RAB7A: variants seen among roughly 807,000 people sequenced by gnomAD.
RAB7A encodes the protein RAB7A, member RAS oncogene family, also known as ras-related protein Rab-7a.
Under a neutral mutation model 24.5 loss-of-function variants are expected in RAB7A, and 2 were observed. The observed-to-expected ratio is 0.08, with a 90% CI of 0.03 to 0.26. The LOEUF (loss-of-function observed/expected upper bound fraction) is 0.26, where lower values mean the gene tolerates loss of function less well. Among genes scored for constraint, RAB7A ranks in the 10% least tolerant of loss-of-function variants. The probability of loss-of-function intolerance (pLI) is 1.00; values close to 1 mark genes in which losing one functional copy is unlikely to be tolerated. For missense variants in RAB7A, 118 were observed against 255.7 expected, an observed-to-expected ratio of 0.46 and a Z score of 3.67; for synonymous variants, 100 against 95.9, an observed-to-expected ratio of 1.04 and a Z score of -0.25.
At chr3:128,764,573 A>C (rs1346233102) in intron 1 of RAB7A, 14 of 1,395,434 alleles carry the variant, frequency 1.0e-5, no homozygotes, top group Admixed American at 3.4e-5. Context: ...TGGTCACCCA[A>C]TTCTTTGATG....
intron 1 of RAB7A, among the ~76,000 whole-genome samples, chr3:128,760,138 C>T (rs1274764982): frequency 6.6e-6 from 1 of 152,152 alleles, no homozygotes; most frequent in Non-Finnish European, 1.5e-5. Context: ...GGTGGCTGCC[C>T]TCCCCAGCGT....
In RAB7A at chr3:128,791,437, G is replaced by T. The variant is rs376043220; in HGVS notation, c.-8-3923G>T. On this transcript the variant is annotated intron_variant, in intron 1 of 5. Coordinates refer to ENST00000265062, the MANE Select transcript of RAB7A (RefSeq NM_004637.6). Reference sequence around the variant, plus strand: ...ATTATAGGCGTGAGCCACCGCGCCTGGCCAAAACTTTGCTCTGGACTCAGA... The same window carrying T: ...ATTATAGGCGTGAGCCACCGCGCCTTGCCAAAACTTTGCTCTGGACTCAGA... Among the ~76,000 whole-genome samples the T allele has an allele frequency of 4.6e-5, 7 of 152,276 alleles. 1 individual carries two copies. Among genetic ancestry groups the T allele is most frequent in the African/African-American group, 1.7e-4 (7 of 41,540 alleles).
intron 1 of RAB7A, among the ~76,000 whole-genome samples, chr3:128,737,527 A>G (rs769723136): frequency 4.1e-4 from 62 of 149,490 alleles, no homozygotes; most frequent in Non-Finnish European, 7.9e-4. Flanking sequence ...TATATTTTTG[A>G]TAGAGATGGG....
intron 1 of RAB7A, among the ~76,000 whole-genome samples, chr3:128,740,126 C>T (rs1336917278): frequency 2.6e-5 from 4 of 152,168 alleles, no homozygotes; most frequent in African/African-American, 9.6e-5. Context: ...CAATCAATCC[C>T]ATCACTTTGG....
At position 128,797,946 on chromosome 3, in the gene RAB7A, C is replaced by T. The variant is rs373510884; in HGVS notation, c.57C>T (p.Val19=). 2.6e-5 allele frequency: 42 copies of T among 1,613,420 alleles called. No individual in the cohort carries two copies. Among genetic ancestry groups the T allele is most frequent in the Admixed American group, 3.3e-5 (2 of 59,994 alleles). The change falls in exon 3 of 6, where the codon GTC becomes GTT. Residue 19 remains valine, a synonymous_variant. Coordinates refer to ENST00000265062, the MANE Select transcript of RAB7A (RefSeq NM_004637.6). ...TATGGTTTTTCTCCAATTTCAGAGT[C>T]GGGAAGACATCACTCATGAACCAGT... ...LKVIILGDSG[V]GKTSLMNQYV...
intron 1 of RAB7A, among the ~76,000 whole-genome samples, chr3:128,733,355 T>C (rs374325503): frequency 1.3e-4 from 20 of 152,204 alleles, no homozygotes; most frequent in African/African-American, 4.8e-4. Flanking sequence ...TGTGAGACTT[T>C]GTGTTGTTGT....
At chr3:128,759,630 G>A (rs1040225110) in intron 1 of RAB7A, among the ~76,000 whole-genome samples, 2 of 152,138 alleles carry the variant, frequency 1.3e-5, no homozygotes, top group African/African-American at 4.8e-5. Flanking sequence ...CTCAGCTTTT[G>A]CTTGGGCGTT....
intron 1 of RAB7A, among the ~76,000 whole-genome samples, chr3:128,754,293 G>A (rs1236836018): frequency 6.6e-6 from 1 of 152,138 alleles, no homozygotes; most frequent in Non-Finnish European, 1.5e-5. Flanking sequence ...TGGGGTTGGA[G>A]CTGTATAGGA....
At chr3:128,738,687 GAGGGGGCCTTA>G (rs2070517051) in intron 1 of RAB7A, among the ~76,000 whole-genome samples, 1 of 152,170 alleles carries the variant, frequency 6.6e-6, no homozygotes, top group African/African-American at 2.4e-5. Context: ...CCTACCTTAG[GAGGGGGCCTTA>G]AGGGTAAGTC....
At chr3:128,761,650 C>G (rs1188658591) in intron 1 of RAB7A, among the ~76,000 whole-genome samples, 3 of 152,204 alleles carry the variant, frequency 2.0e-5, no homozygotes, top group African/African-American at 7.2e-5. Context: ...ATCTTTAAGA[C>G]TGAGTTCTCT....
chr3:128,798,895 A>G (rs538440752), intron 3 of RAB7A: 7 of 306,502 alleles, frequency 2.3e-5, no homozygotes, highest in Admixed American at 1.2e-4. Context: ...TTCATGGTCC[A>G]TGATGCCAGC....
At position 128,729,604 on chromosome 3, in the gene RAB7A, T is replaced by C. The variant is rs138159070; in HGVS notation, c.-9+3245T>C. Among the ~76,000 whole-genome samples, 405 of 151,608 alleles carry C rather than the reference T, an allele frequency of 2.7e-3. 5 individuals are homozygous for C. Among genetic ancestry groups the C allele is most frequent in the African/African-American group, 8.9e-3 (370 of 41,374 alleles). ...AAAAAAAAAAGTCTTCAAAGGGATC[T>C]TCACTAATAACGTTTTTGCTCTTAC... On this transcript the variant is annotated intron_variant, in intron 1 of 5. Coordinates refer to ENST00000265062, the MANE Select transcript of RAB7A (RefSeq NM_004637.6).
intron 1 of RAB7A, among the ~76,000 whole-genome samples, chr3:128,733,253 T>C (rs1338738721): frequency 6.6e-6 from 1 of 152,176 alleles, no homozygotes; most frequent in Non-Finnish European, 1.5e-5. Flanking sequence ...TTTCTAGAAC[T>C]GTAGACTAAT....
intron 3 of RAB7A, among the ~76,000 whole-genome samples, chr3:128,802,348 G>A (rs1421452453): frequency 6.6e-6 from 1 of 152,056 alleles, no homozygotes; most frequent in Non-Finnish European, 1.5e-5. Flanking sequence ...AAATTTCCAG[G>A]GAACAGTTTA....
intron 1 of RAB7A, among the ~76,000 whole-genome samples, chr3:128,742,477 G>T (rs902308387): frequency 1.3e-5 from 2 of 152,198 alleles, no homozygotes. Context: ...TTTACAGAGA[G>T]CTGATTGGTC....
At chr3:128,807,383 T>C (rs1038221959) in intron 4 of RAB7A, among the ~76,000 whole-genome samples, 160 bp from the exon 5 acceptor site, 20 of 152,166 alleles carry the variant, frequency 1.3e-4, no homozygotes, top group Admixed American at 1.2e-3. Context: ...AGGACAAGTT[T>C]GGACGGGTCT....
intron 3 of RAB7A, among the ~76,000 whole-genome samples, chr3:128,800,843 G>A (rs2107613403): frequency 6.6e-6 from 1 of 152,288 alleles, no homozygotes; most frequent in Admixed American, 6.5e-5. Context: ...TGTAGATGAG[G>A]AAAGAGTGGA....
intron 5 of RAB7A, among the ~76,000 whole-genome samples, chr3:128,809,936 CTTTTTTTTTTTTT>C (rs869119619): frequency 0.02 from 1,024 of 52,276 alleles, 65 homozygotes; most frequent in Non-Finnish European, 0.022. Flanking sequence ...TTGCCACAGT[CTTTTTTTTTTTTT>C]TTTTTTTTTT....
chr3:128,757,376 G>A lies in RAB7A; in HGVS notation c.-9+31017G>A, dbSNP rs74865386. On this transcript the variant is annotated intron_variant, in intron 1 of 5. Coordinates refer to ENST00000265062, the MANE Select transcript of RAB7A (RefSeq NM_004637.6). ...AAAGATGGCATTTGAGCCACTGATG[G>A]TGCAGGAGAGGGAACAAGTGTGATA... is the stretch of plus-strand genomic sequence containing the variant. Among the ~76,000 whole-genome samples, 820 of 152,270 alleles carry A rather than the reference G, an allele frequency of 5.4e-3. 1 individual carries two copies. The highest frequency in any genetic ancestry group is 9.2e-3 in the Non-Finnish European group (624 of 68,022).
Sources: allele counts gnomAD v4.1 joint callset (sites outside exome capture counted in the v4.1 genomes callset), GRCh38; gene constraint gnomAD v4.1.1; transcripts MANE v1.5; gene names NCBI Gene and HGNC (gene_info 2026-07-23, HGNC 2026-07-21).